Variants in CSMD1 observed in about 807,000 individuals in gnomAD.
CSMD1 encodes the protein CUB and sushi domain-containing protein 1.
A neutral mutation model predicts 417.5 loss-of-function variants in CSMD1; 213 were observed. The ratio of observed to expected loss-of-function variants is 0.51; its 90% CI spans 0.46 to 0.57. The LOEUF is 0.57. Ranked by LOEUF, CSMD1 falls within the 20% of genes least tolerant of loss-of-function variation. The pLI, the probability that CSMD1 is intolerant of heterozygous loss-of-function variation, is 0.00. For synonymous variants in CSMD1, 2,862 were observed against 1,736.8 expected, an observed-to-expected ratio of 1.65 and a Z score of -16.11; for missense variants, 6,923 against 4,529.7, an observed-to-expected ratio of 1.53 and a Z score of -15.17.
At position 3,409,539 on chromosome 8, in the gene CSMD1, A is replaced by G; in HGVS notation, c.1628T>C (p.Phe543Ser). 6.2e-7 allele frequency: 1 copy of G among 1,611,402 alleles called. No homozygotes were observed. The highest frequency in any genetic ancestry group is 8.5e-7 in the Non-Finnish European group (1 of 1,178,840). ...AAAGGTGAGTGTATCTCCATGGAGG[A>G]AACTGCTGCCCGTCCGCTTCCCATA... ...PAYGKRTGSS[F>S]LHGDTLTFEC... The change falls in exon 13 of 70, where the codon TTC (phenylalanine) becomes TCC (serine). Residue 543 changes from phenylalanine (F) to serine (S), a missense_variant. Phe to Ser is a radical substitution (Grantham distance 155, BLOSUM62 -2). Coordinates refer to ENST00000635120, the MANE Select transcript of CSMD1 (RefSeq NM_033225.6).
chr8:3,810,367 G>A (rs1199351527), intron 5 of CSMD1, among the ~76,000 whole-genome samples: 1 of 152,140 alleles, frequency 6.6e-6, no homozygotes, highest in African/African-American at 2.4e-5. Flanking sequence ...AAATCAAAAT[G>A]GGATTTGGGA....
chr8:3,599,997 G>C lies in CSMD1; in HGVS notation c.1098-13737C>G, dbSNP rs569757921. On this transcript the variant is annotated intron_variant, in intron 8 of 69. Transcript: ENST00000635120. ...GGCAAGCTCCTGGCAGCATCATTGT[G>C]AGGGCAGGGAAAATGACCACCACAA... 3.9e-5 allele frequency among the ~76,000 whole-genome samples: 6 copies of C among 152,320 alleles called. 1 individual carries two copies. In the South Asian group the frequency reaches 1.2e-3, roughly 32 times the overall value.
chr8:3,832,443 G>A (rs1039974621), intron 5 of CSMD1, among the ~76,000 whole-genome samples: 28 of 152,022 alleles, frequency 1.8e-4, no homozygotes, highest in African/African-American at 6.0e-4. Flanking sequence ...ATTATAAAGC[G>A]ATTATGTAAG....
At chr8:4,122,651 G>A (rs944933792) in intron 3 of CSMD1, among the ~76,000 whole-genome samples, 3 of 152,126 alleles carry the variant, frequency 2.0e-5, no homozygotes, top group Non-Finnish European at 2.9e-5. Context: ...ACCAAACCAT[G>A]TGAGGCCAGG....
intron 5 of CSMD1, among the ~76,000 whole-genome samples, chr8:3,950,658 G>C (rs1347858716): frequency 2.0e-5 from 3 of 152,144 alleles, no homozygotes; most frequent in East Asian, 1.9e-4. Flanking sequence ...TGGTTAAAAA[G>C]TTAATGTTTC....
At chr8:4,554,653 T>C (rs1381933727) in intron 2 of CSMD1, among the ~76,000 whole-genome samples, 1 of 152,200 alleles carries the variant, frequency 6.6e-6, no homozygotes, top group Non-Finnish European at 1.5e-5. Flanking sequence ...ATAGGCAACA[T>C]TTACCATAAA....
chr8:3,557,120 C>T (rs1307522041), intron 10 of CSMD1, among the ~76,000 whole-genome samples: 1 of 152,196 alleles, frequency 6.6e-6, no homozygotes, highest in Non-Finnish European at 1.5e-5. Flanking sequence ...ATATTACCCA[C>T]GACTGAGCTT....
intron 2 of CSMD1, among the ~76,000 whole-genome samples, chr8:4,509,555 T>G (rs916021094): frequency 5.9e-5 from 9 of 152,172 alleles, no homozygotes; most frequent in Admixed American, 4.6e-4. Context: ...ATGGAAAGGA[T>G]GCTGGTCAGG....
chr8:4,462,503 G>A (rs1287537281), intron 2 of CSMD1, among the ~76,000 whole-genome samples: 6 of 152,044 alleles, frequency 3.9e-5, no homozygotes. Context: ...ATCCTAAAAT[G>A]CATATGGATA....
At chr8:3,801,646 A>G (rs536961290) in intron 5 of CSMD1, among the ~76,000 whole-genome samples, 140 of 152,292 alleles carry the variant, frequency 9.2e-4, no homozygotes, top group African/African-American at 3.3e-3. Flanking sequence ...AACTGAAAAC[A>G]TATAGTAACA....
intron 4 of CSMD1, among the ~76,000 whole-genome samples, chr8:4,012,556 T>G (rs1025230138): frequency 6.6e-6 from 1 of 152,140 alleles, no homozygotes; most frequent in African/African-American, 2.4e-5. Context: ...TGGCAGGTAG[T>G]TATTCAACCG....
At chr8:4,268,721 A>G (rs1397009131) in intron 3 of CSMD1, among the ~76,000 whole-genome samples, 1 of 151,972 alleles carries the variant, frequency 6.6e-6, no homozygotes, top group Non-Finnish European at 1.5e-5. Context: ...TAACATAACC[A>G]AATACCCCCA....
At chr8:3,293,321 G>C (rs1044726590) in intron 25 of CSMD1, among the ~76,000 whole-genome samples, 1 of 151,918 alleles carries the variant, frequency 6.6e-6, no homozygotes, top group Non-Finnish European at 1.5e-5. Flanking sequence ...TGCTCTTCTC[G>C]AGGAGTATCT....
Position 4,776,827 on chromosome 8 carries a change from C to T in CSMD1, c.86-139269G>A, listed in dbSNP as rs563363478. On this transcript the variant is annotated intron_variant, in intron 1 of 69. Coordinates refer to ENST00000635120, the MANE Select transcript of CSMD1 (RefSeq NM_033225.6). ...GACGATTTAAATTTTAATTCTCTTA[C>T]TGATTTCTGATTCTGGAGCTTCCAT... Among the ~76,000 whole-genome samples the T allele has an allele frequency of 6.6e-5, 10 of 152,180 alleles. No individual in the cohort carries two copies. The East Asian group carries it at 1.4e-3, about 21-fold the overall frequency.
chr8:3,506,354 G>T (rs568980930), intron 10 of CSMD1, among the ~76,000 whole-genome samples: 1 of 152,188 alleles, frequency 6.6e-6, no homozygotes, highest in Non-Finnish European at 1.5e-5. Flanking sequence ...GCCGGAGTTT[G>T]CATGCTAACA....
At chr8:3,976,312 T>A (rs967674116) in intron 5 of CSMD1, among the ~76,000 whole-genome samples, 1 of 152,230 alleles carries the variant, frequency 6.6e-6, no homozygotes, top group Non-Finnish European at 1.5e-5. Context: ...TTTTTTCTCA[T>A]AGAGTCAATG....
chr8:4,178,097 T>C (rs1365572651), intron 3 of CSMD1, among the ~76,000 whole-genome samples: 1 of 152,162 alleles, frequency 6.6e-6, no homozygotes, highest in African/African-American at 2.4e-5. Flanking sequence ...AGCATCATCC[T>C]GATACCAAAG....
intron 5 of CSMD1, among the ~76,000 whole-genome samples, chr8:3,860,330 G>C (rs1174943684): frequency 6.6e-6 from 1 of 152,000 alleles, no homozygotes; most frequent in Non-Finnish European, 1.5e-5. Context: ...TTTCAACACA[G>C]CCAGCAAGTA....
intron 3 of CSMD1, among the ~76,000 whole-genome samples, chr8:4,248,131 T>G (rs189828518): frequency 4.9e-4 from 75 of 152,280 alleles, no homozygotes; most frequent in African/African-American, 1.8e-3. Flanking sequence ...TTTAAACAAA[T>G]GGGCTATTTT....
Sources: gnomAD v4.1 joint callset for allele counts (sites outside exome capture counted in the v4.1 genomes callset) on GRCh38, gnomAD v4.1.1 for gene constraint, MANE v1.5 for transcripts, NCBI Gene and HGNC (gene_info 2026-07-23, HGNC 2026-07-21) for gene names.